The following TAAR1 variants were observed in gnomAD, a reference collection of about 807,000 sequenced individuals.
TAAR1 encodes the protein trace amine associated receptor 1.
A neutral mutation model predicts 1.2 loss-of-function variants in TAAR1; 1 was observed. That is an observed-to-expected ratio of 0.81 (90% confidence interval 0.29 to 3.86). The LOEUF (loss-of-function observed/expected upper bound fraction) is 3.86, where lower values mean the gene tolerates loss of function less well. Ranked by LOEUF, TAAR1 falls within the 30% of genes most tolerant of loss-of-function variation. The probability of loss-of-function intolerance (pLI) is 0.18; values close to 1 mark genes in which losing one functional copy is unlikely to be tolerated. For synonymous variants in TAAR1, 153 were observed against 132.2 expected (o/e 1.16, Z -1.08); for missense variants, 445 against 405.6 (o/e 1.10, Z -0.83).
At chr6:132,656,283 A>G (rs1308489945) in intron 1 of TAAR1, among the ~76,000 whole-genome samples, 3 of 152,230 alleles carry the variant, frequency 2.0e-5, no homozygotes, top group Non-Finnish European at 4.4e-5. Context: ...TTCATCAACA[A>G]CTAAGTAAAC....
At chr6:132,649,446 G>A (rs747756905) in intron 1 of TAAR1, among the ~76,000 whole-genome samples, 3 of 151,962 alleles carry the variant, frequency 2.0e-5, no homozygotes. Flanking sequence ...CTAACCCCTT[G>A]CAAGCTTTGA....
At chr6:132,647,668 GAA>G (rs751045924) in intron 1 of TAAR1, among the ~76,000 whole-genome samples, 1 of 145,624 alleles carries the variant, frequency 6.9e-6, no homozygotes, top group Non-Finnish European at 1.5e-5. Flanking sequence ...AAGAAAGAAA[GAA>G]AGAAAGAAAG....
intron 1 of TAAR1, among the ~76,000 whole-genome samples, chr6:132,654,246 C>T (rs760507100): frequency 6.6e-6 from 1 of 152,338 alleles, no homozygotes; most frequent in East Asian, 1.9e-4. Context: ...AACACACTTT[C>T]AAATCTAGCA....
At chr6:132,647,637 AAAG>A (rs1777696103) in intron 1 of TAAR1, among the ~76,000 whole-genome samples, 3 of 124,788 alleles carry the variant, frequency 2.4e-5, no homozygotes, top group African/African-American at 7.9e-5. Context: ...AGAAAGAAAG[AAAG>A]AAAGAAAGAA....
intron 1 of TAAR1, among the ~76,000 whole-genome samples, chr6:132,655,406 G>A (rs114653577): frequency 1.2e-3 from 169 of 143,736 alleles, no homozygotes; most frequent in African/African-American, 4.2e-3. Context: ...TTGAAACAAG[G>A]TCTTGCTGTG....
Position 132,645,119 on chromosome 6 carries a change from C to T in TAAR1, c.885G>A (p.Leu295=), listed in dbSNP as rs1777646835. The part of the protein sequence containing the change: ...LNDVLIWFGY[L]NSTFNPMVYA... ...AAACCATTGGATTAAATGTAGAGTT[C>T]AAGTAGCCAAACCAAATCAATACAT... Residue 295 remains leucine (L), a synonymous_variant, in exon 2 of 2, where the codon TTG becomes TTA. Coordinates refer to ENST00000275216, the MANE Select transcript of TAAR1 (RefSeq NM_138327.4). The T allele has an allele frequency of 1.2e-6, 2 of 1,613,036 alleles. No homozygotes were observed. Among genetic ancestry groups the T allele is most frequent in the Non-Finnish European group, 1.7e-6 (2 of 1,179,514 alleles).
rs7746951 is a variant in TAAR1 at position 132,643,805 on chromosome 6, T to C, written c.*1179A>G. Among the ~76,000 whole-genome samples, 9,469 of 152,100 alleles carry C rather than the reference T, an allele frequency of 0.062. 337 individuals carry two copies. Among genetic ancestry groups the C allele is most frequent in the East Asian group, 0.11 (574 of 5,182 alleles). The stretch of plus-strand genomic sequence containing the variant: ...TGCCCACTTCCTTTAGAGAATCTTA[T>C]TTGAAACCATTATTTGTTCCTCTTT... On this transcript the variant is annotated 3_prime_UTR_variant, in exon 2 of 2. Transcript: ENST00000275216.
rs9375907 is a variant in TAAR1 at position 132,644,904 on chromosome 6, G to T, written c.*80C>A. 0.21 allele frequency: 248,773 copies of T among 1,158,274 alleles called. 28,927 individuals carry two copies. Among genetic ancestry groups the T allele is most frequent in the East Asian group, 0.34 (12,568 of 37,008 alleles). The allele number at this position is 1,158,274 out of a possible 1,614,324, so 71.7% of individuals were successfully genotyped here. Reference sequence around the variant, plus strand: ...AACTGATTTAAAAAAAAATCCATGTGGTTGGTGCATGTGGTTCGTTATGTT... The same window carrying T: ...AACTGATTTAAAAAAAAATCCATGTTGTTGGTGCATGTGGTTCGTTATGTT... On this transcript the variant is annotated 3_prime_UTR_variant, in exon 2 of 2. Transcript: ENST00000275216.
chr6:132,649,927 C>T (rs1447456990), intron 1 of TAAR1, among the ~76,000 whole-genome samples: 2 of 152,148 alleles, frequency 1.3e-5, no homozygotes, highest in Non-Finnish European at 2.9e-5. Flanking sequence ...GAGTTCCTGG[C>T]TTACTGTCAC....
In TAAR1 at chr6:132,645,328, C is replaced by T. The variant is rs1777651834; in HGVS notation, c.676G>A (p.Asp226Asn). Residue 226 changes from aspartate to asparagine, a missense_variant, in exon 2 of 2, where the codon GAT becomes AAT. Asp to Asn is a conservative substitution (Grantham distance 23, BLOSUM62 1). Transcript: ENST00000275216. Reference protein sequence around the residue: ...IAKEQARLISDANQKLQIGLE... With the variant: ...IAKEQARLISNANQKLQIGLE... ...CCAATTTGGAGCTTCTGATTGGCAT[C>T]ACTAATTAATCTTGCCTGTTCTTTA... 5.0e-6 allele frequency: 8 copies of T among 1,613,388 alleles called. No homozygotes were observed. Among genetic ancestry groups the T allele is most frequent in the Non-Finnish European group, 6.8e-6 (8 of 1,179,742 alleles).
chr6:132,657,121 TA>T (rs1365771540), intron 1 of TAAR1, among the ~76,000 whole-genome samples: 7 of 152,154 alleles, frequency 4.6e-5, no homozygotes, highest in African/African-American at 1.4e-4. Flanking sequence ...AGGAAACACT[TA>T]ACATTGGCCT....
intron 1 of TAAR1, among the ~76,000 whole-genome samples, chr6:132,654,896 A>AT (rs1482627409): frequency 3.3e-5 from 5 of 152,214 alleles, no homozygotes; most frequent in African/African-American, 9.6e-5. Context: ...GAAAAGATAC[A>AT]TTTTTAAAAA....
chr6:132,657,383 C>CATAT (rs10628687), intron 1 of TAAR1, among the ~76,000 whole-genome samples: 1,509 of 148,484 alleles, frequency 0.01, 23 homozygotes, highest in African/African-American at 0.033. Context: ...GTCAGACTTA[C>CATAT]ATATATATAT....
At position 132,645,345 on chromosome 6, in the gene TAAR1, T is replaced by G. The variant is rs765502696; in HGVS notation, c.659A>C (p.Gln220Pro). ...YYRIYLIAKE[Q>P]ARLISDANQK... Reference sequence around the variant, plus strand: ...ATTGGCATCACTAATTAATCTTGCCTGTTCTTTAGCGATAAGATATATTCT... The same window carrying G: ...ATTGGCATCACTAATTAATCTTGCCGGTTCTTTAGCGATAAGATATATTCT... The change falls in exon 2 of 2, where the codon CAG becomes CCG. Residue 220 changes from glutamine (Q) to proline (P), a missense_variant. Coordinates refer to ENST00000275216, the MANE Select transcript of TAAR1 (RefSeq NM_138327.4). 2 of 1,613,482 alleles carry G rather than the reference T, an allele frequency of 1.2e-6. No individual in the cohort carries two copies. Among genetic ancestry groups the G allele is most frequent in the South Asian group, 2.2e-5 (2 of 91,054 alleles).
At chr6:132,647,682 A>AAGAAAGAG (rs1266056167) in intron 1 of TAAR1, among the ~76,000 whole-genome samples, 2 of 151,410 alleles carry the variant, frequency 1.3e-5, no homozygotes, top group African/African-American at 4.9e-5. Context: ...GAAAGAAAGA[A>AAGAAAGAG]GAAAGAAAGG....
intron 1 of TAAR1, among the ~76,000 whole-genome samples, chr6:132,652,106 A>G (rs1208366539): frequency 6.6e-6 from 1 of 152,130 alleles, no homozygotes; most frequent in Non-Finnish European, 1.5e-5. Flanking sequence ...TGCTATTTTT[A>G]TAGACAAGGC....
intron 1 of TAAR1, among the ~76,000 whole-genome samples, chr6:132,657,009 A>G (rs1002132940): frequency 1.3e-5 from 2 of 152,198 alleles, no homozygotes; most frequent in African/African-American, 4.8e-5. Context: ...AATGATTAAT[A>G]TATAAAGTAA....
At chr6:132,658,480 G>A (rs546229938) in intron 1 of TAAR1, among the ~76,000 whole-genome samples, 32 of 152,062 alleles carry the variant, frequency 2.1e-4, no homozygotes, top group Non-Finnish European at 3.4e-4. Context: ...TAACTAAAAG[G>A]TTCTTAAGTT....
At chr6:132,658,768 T>C (rs1466057692) in intron 1 of TAAR1, among the ~76,000 whole-genome samples, 1 of 152,222 alleles carries the variant, frequency 6.6e-6, no homozygotes, top group Admixed American at 6.5e-5. Context: ...ATAGAATTTC[T>C]TTCTTCATTA....
Sources: gnomAD v4.1 joint callset for allele counts (sites outside exome capture counted in the v4.1 genomes callset) on GRCh38, gnomAD v4.1.1 for gene constraint, MANE v1.5 for transcripts, NCBI Gene and HGNC (gene_info 2026-07-23, HGNC 2026-07-21) for gene names.